INSYN2A: variants seen among roughly 807,000 people sequenced by gnomAD.
The protein encoded by INSYN2A is family with sequence similarity 196 member A.
In INSYN2A, 17 loss-of-function variants were observed where a neutral mutation model predicts 39.4. The observed-to-expected ratio is 0.43, with a 90% CI of 0.30 to 0.65. INSYN2A has a LOEUF of 0.65. Among genes scored for constraint, INSYN2A ranks in the 30% least tolerant of loss-of-function variants. The pLI, the probability that INSYN2A is intolerant of heterozygous loss-of-function variation, is 0.14. For missense variants in INSYN2A, 595 were observed against 631.2 expected (o/e 0.94, Z 0.61); for synonymous variants, 255 against 265.7 (o/e 0.96, Z 0.39).
intron 4 of INSYN2A, among the ~76,000 whole-genome samples, chr10:127,166,951 A>G (rs1007086034): frequency 1.3e-5 from 2 of 151,928 alleles, no homozygotes; most frequent in African/African-American, 2.4e-5. Context: ...TTTGAAATCT[A>G]TTTTGGCATT....
chr10:127,155,564 T>C (rs925823428), intron 4 of INSYN2A, among the ~76,000 whole-genome samples: 4 of 152,150 alleles, frequency 2.6e-5, no homozygotes, highest in Admixed American at 1.3e-4. Context: ...GAACAGCCTG[T>C]GCCTTATCCC....
intron 2 of INSYN2A, among the ~76,000 whole-genome samples, chr10:127,179,854 A>C (rs912624365): frequency 6.6e-6 from 1 of 152,216 alleles, no homozygotes; most frequent in African/African-American, 2.4e-5. Context: ...AAGTGCTCCT[A>C]TGTGCTAATC....
At position 127,175,337 on chromosome 10, in the gene INSYN2A, C is replaced by T. The variant is rs575636006; in HGVS notation, c.1059G>A (p.Thr353=). 1.3e-5 allele frequency: 21 copies of T among 1,614,098 alleles called. No homozygotes were observed. Among genetic ancestry groups the T allele is most frequent in the African/African-American group, 6.7e-5 (5 of 75,022 alleles). Residue 353 remains threonine, a synonymous_variant, in exon 4 of 6, where the codon ACG becomes ACA. Coordinates refer to ENST00000522781, the MANE Select transcript of INSYN2A (RefSeq NM_001039762.3). The surrounding 1 kb of genome is among the most constrained non-coding windows in gnomAD (Gnocchi z 6.3). The part of the protein sequence containing the change: ...GEECQRIVPH[T]EVVDLKAQLQ... Reference sequence around the variant, plus strand: ...GTTGTGCTTTGAGGTCGACCACTTCCGTATGAGGCACGATTCGTTGGCATT... The same window carrying T: ...GTTGTGCTTTGAGGTCGACCACTTCTGTATGAGGCACGATTCGTTGGCATT...
intron 4 of INSYN2A, among the ~76,000 whole-genome samples, chr10:127,164,650 A>G (rs988405424): frequency 2.6e-5 from 4 of 152,256 alleles, no homozygotes; most frequent in African/African-American, 9.6e-5. Context: ...ACAAATACAG[A>G]GATGAACACT....
chr10:127,184,572 T>C (rs1469286029), intron 2 of INSYN2A, among the ~76,000 whole-genome samples: 1 of 148,936 alleles, frequency 6.7e-6, no homozygotes, highest in Non-Finnish European at 1.5e-5. Context: ...TACATCCCAG[T>C]TGGTAGCACT....
chr10:127,142,296 A>G (rs2051339005), intron 5 of INSYN2A, among the ~76,000 whole-genome samples: 1 of 151,814 alleles, frequency 6.6e-6, no homozygotes, highest in Non-Finnish European at 1.5e-5. Flanking sequence ...GTTTCTGAGG[A>G]CTCTGGCTGT....
At chr10:127,179,580 G>T (rs1004586620) in intron 2 of INSYN2A, among the ~76,000 whole-genome samples, 4 of 152,120 alleles carry the variant, frequency 2.6e-5, no homozygotes, top group African/African-American at 9.7e-5. Flanking sequence ...TGAATTTCTG[G>T]ACATTAAGAA....
chr10:127,144,233 T>C (rs557109315), intron 5 of INSYN2A, among the ~76,000 whole-genome samples: 1 of 152,264 alleles, frequency 6.6e-6, no homozygotes, highest in East Asian at 1.9e-4. Context: ...TCCCTGCTTA[T>C]CCTTCAAAAC....
chr10:127,179,950 C>T (rs577529875), intron 2 of INSYN2A, among the ~76,000 whole-genome samples: 3 of 152,276 alleles, frequency 2.0e-5, no homozygotes, highest in Admixed American at 2.0e-4. Flanking sequence ...ACTATTGATA[C>T]CCTCATACTG....
chr10:127,135,597 C>T lies in INSYN2A; in HGVS notation c.*2240G>A, dbSNP rs969874564. 6.6e-6 allele frequency: 1 copy of T among 152,648 alleles called. No homozygotes were observed. 9.5% of individuals were successfully genotyped at this position (152,648 alleles called of 1,614,324 possible). ...TGAATCTTTCCAAGAGAAGAATCAC[C>T]ATCTGTTAGTGACGTGTTGCAATTA... is the stretch of plus-strand genomic sequence containing the variant. On this transcript the variant is annotated 3_prime_UTR_variant, in exon 6 of 6. Coordinates refer to ENST00000522781, the MANE Select transcript of INSYN2A (RefSeq NM_001039762.3).
intron 2 of INSYN2A, among the ~76,000 whole-genome samples, chr10:127,186,626 A>C (rs979623597): frequency 6.6e-6 from 1 of 151,446 alleles, no homozygotes; most frequent in Non-Finnish European, 1.5e-5. Context: ...AAACCGTATC[A>C]GAGGGGCATA....
At chr10:127,153,092 C>G (rs993473725) in intron 5 of INSYN2A, among the ~76,000 whole-genome samples, 17 of 152,140 alleles carry the variant, frequency 1.1e-4, no homozygotes, top group Non-Finnish European at 5.9e-5. Context: ...TGGTGGATCA[C>G]TAAAATTATT....
At position 127,175,016 on chromosome 10, in the gene INSYN2A, G is replaced by C. The variant is rs1043335525; in HGVS notation, c.1184+196C>G. Among the ~76,000 whole-genome samples, 3 of 152,178 alleles carry C rather than the reference G, an allele frequency of 2.0e-5. No individual in the cohort carries two copies. The highest frequency in any genetic ancestry group is 2.9e-5 in the Non-Finnish European group (2 of 68,040). ...GAAAGATGAACATTAACCAGAAAGC[G>C]TATCGTGCAGGATGCAGTGACGTCT... On this transcript the variant is annotated intron_variant, in intron 4 of 5. Transcript: ENST00000522781. This position sits in a 1 kb window ranked among gnomAD's most constrained non-coding sequence, Gnocchi z 6.3.
chr10:127,147,347 G>A (rs1360357970), intron 5 of INSYN2A, among the ~76,000 whole-genome samples: 1 of 152,092 alleles, frequency 6.6e-6, no homozygotes, highest in Non-Finnish European at 1.5e-5. Flanking sequence ...GTAGCCTGGA[G>A]GGCTCTAGAG....
chr10:127,179,326 G>C (rs749962520), intron 2 of INSYN2A, among the ~76,000 whole-genome samples: 1 of 152,192 alleles, frequency 6.6e-6, no homozygotes, highest in African/African-American at 2.4e-5. Context: ...GCTCTTCTCT[G>C]TTTTATAGAG....
At chr10:127,194,409 C>CA (rs370418992) in intron 1 of INSYN2A, among the ~76,000 whole-genome samples, 271 of 152,068 alleles carry the variant, frequency 1.8e-3, no homozygotes, top group African/African-American at 3.7e-3. Context: ...ATCATTCTTG[C>CA]AAAAAAATTG....
At chr10:127,178,620 C>T (rs926251021) in intron 2 of INSYN2A, among the ~76,000 whole-genome samples, 10 of 152,166 alleles carry the variant, frequency 6.6e-5, no homozygotes, top group Non-Finnish European at 1.2e-4. Context: ...GTGAGGCTTG[C>T]GTAGACAGCA....
chr10:127,136,075 T>C lies in INSYN2A; in HGVS notation c.*1762A>G, dbSNP rs1177886669. On this transcript the variant is annotated 3_prime_UTR_variant, in exon 6 of 6. Coordinates refer to ENST00000522781, the MANE Select transcript of INSYN2A (RefSeq NM_001039762.3). ...TTTATTGATATTCAGGGATTCGAAC[T>C]TCATATAGTGTTTCCGCAGAGGATG... 1.3e-5 allele frequency: 2 copies of C among 152,560 alleles called. No homozygotes were observed. The highest frequency in any genetic ancestry group is 4.8e-5 in the African/African-American group (2 of 41,450). 9.5% of individuals were successfully genotyped at this position (152,560 alleles called of 1,614,324 possible). A position where few individuals can be genotyped will look rare whatever the true frequency, so the allele number is the denominator to read the frequency against.
At chr10:127,153,733 C>G in intron 5 of INSYN2A, 119 bp downstream of exon 5, 1 of 743,812 alleles carries the variant, frequency 1.3e-6, no homozygotes, top group Admixed American at 2.2e-5. Context: ...CAAGTAAGGT[C>G]CTTCACTTTT....
Sources: gnomAD v4.1 joint callset for allele counts (sites outside exome capture counted in the v4.1 genomes callset) on GRCh38, gnomAD v4.1.1 for gene constraint, Gnocchi (gnomAD v3.1) non-coding constraint, MANE v1.5 for transcripts, NCBI Gene and HGNC (gene_info 2026-07-23, HGNC 2026-07-21) for gene names.